The following CDON variants were observed in gnomAD, a reference collection of about 807,000 sequenced individuals.
CDON encodes cell adhesion associated, oncogene regulated.
Under a neutral mutation model 120.9 loss-of-function variants are expected in CDON, and 73 were observed. The ratio of observed to expected loss-of-function variants is 0.60; its 90% CI spans 0.50 to 0.73. The LOEUF is 0.73. Ranked by LOEUF, CDON falls within the 30% of genes least tolerant of loss-of-function variation. CDON has a pLI of 0.00. For synonymous variants in CDON, 566 were observed against 573.5 expected (o/e 0.99, Z 0.19); for missense variants, 1,470 against 1,587.3 (o/e 0.93, Z 1.26).
In CDON at chr11:125,974,366, TAGGAAGGAAGGA is replaced by T. The variant is rs1185064556; in HGVS notation, c.3356+3926_3356+3937del. Among the ~76,000 whole-genome samples, 206 of 51,588 alleles carry T rather than the reference TAGGAAGGAAGGA, an allele frequency of 4.0e-3. 1 individual carries two copies. The highest frequency in any genetic ancestry group is 0.016 in the African/African-American group (171 of 11,000). 33.8% of individuals were successfully genotyped at this position (51,588 alleles called of 152,430 possible). A position where few individuals can be genotyped will look rare whatever the true frequency, so the allele number is the denominator to read the frequency against. On this transcript the variant is annotated intron_variant, in intron 18 of 19. Transcript: ENST00000531738. ...GTAGGTAGGTAGGTAGGTAGGTAGG[TAGGAAGGAAGGA>T]AGGAAGGAAGGAAGGGAGGGAGGGA...
chr11:125,987,787 T>C (rs1946511068), intron 15 of CDON, among the ~76,000 whole-genome samples: 1 of 152,214 alleles, frequency 6.6e-6, no homozygotes, highest in Admixed American at 6.5e-5. Flanking sequence ...TCACAGCGTC[T>C]GGTCCAAAAA....
rs1393410978 is a variant in CDON, at chr11:126,005,986, T to TA, written c.1623dup (p.Lys542Ter). 1 of 1,614,182 alleles carries TA rather than the reference T, an allele frequency of 6.2e-7. No homozygotes were observed. Among genetic ancestry groups the TA allele is most frequent in the Non-Finnish European group, 8.5e-7 (1 of 1,180,016 alleles). ...AACCCAGTTTCTGAACCATCTCTCT[T>TA]ACTTCTGTCATCATTCTGAGCAGCA... On this transcript the variant is annotated frameshift_variant, in exon 9 of 20. Transcript: ENST00000531738. LOFTEE classifies it high-confidence loss of function.
intron 1 of CDON, among the ~76,000 whole-genome samples, chr11:126,028,500 T>A (rs1465130531): frequency 6.6e-6 from 1 of 152,020 alleles, no homozygotes; most frequent in Non-Finnish European, 1.5e-5. Context: ...GTAGCTGGGA[T>A]TACAGGCACG....
chr11:126,020,918 C>T (rs181989613), intron 3 of CDON, among the ~76,000 whole-genome samples: 2 of 152,050 alleles, frequency 1.3e-5, no homozygotes, highest in Non-Finnish European at 1.5e-5. Context: ...GATTTCCAAG[C>T]ACTCACAAAG....
At chr11:125,971,349 C>T (rs548187370) in intron 18 of CDON, among the ~76,000 whole-genome samples, 35 of 151,742 alleles carry the variant, frequency 2.3e-4, no homozygotes, top group East Asian at 1.4e-3. Context: ...CACCACTGCA[C>T]TCCAGCCTGG....
At chr11:125,994,534 G>A in intron 13 of CDON, 145 bp from the exon 14 acceptor site, 1 of 662,782 alleles carries the variant, frequency 1.5e-6, no homozygotes, top group Non-Finnish European at 2.7e-6. Flanking sequence ...TTACTTCAAA[G>A]GTATTAAAAG....
At chr11:126,033,460 C>T (rs2134773725) in intron 1 of CDON, among the ~76,000 whole-genome samples, 1 of 152,160 alleles carries the variant, frequency 6.6e-6, no homozygotes, top group South Asian at 2.1e-4. Context: ...GGGACAGAAA[C>T]TCCTCATTCA....
At chr11:126,003,835 A>G (rs1947031843) in intron 10 of CDON, 67 bp downstream of exon 10, 1 of 1,385,006 alleles carries the variant, frequency 7.2e-7, no homozygotes, top group Non-Finnish European at 1.0e-6. Flanking sequence ...AAATAAATTA[A>G]TAATTCTCAC....
chr11:125,996,657 G>A lies in CDON; in HGVS notation c.2362+550C>T, dbSNP rs184673670. Among the ~76,000 whole-genome samples, 451 of 119,386 alleles carry A rather than the reference G, an allele frequency of 3.8e-3. 1 individual carries two copies. Among genetic ancestry groups the A allele is most frequent in the Non-Finnish European group, 5.5e-3 (348 of 63,096 alleles). The allele number at this position is 119,386 out of a possible 152,430, so 78.3% of individuals were successfully genotyped here. ...GGAGGTTGCAGTGAGCCGAGATTTC[G>A]CCACTGCACTCCGGCCTAGGCGACA... is the stretch of plus-strand genomic sequence containing the variant. On this transcript the variant is annotated intron_variant, in intron 12 of 19. Coordinates refer to ENST00000531738, the MANE Select transcript of CDON (RefSeq NM_001378964.1).
chr11:126,057,982 G>T (rs1051529042), intron 1 of CDON, among the ~76,000 whole-genome samples: 2 of 152,150 alleles, frequency 1.3e-5, no homozygotes, highest in African/African-American at 4.8e-5. Context: ...TACAGACAAA[G>T]ACCCCCAAGG....
intron 1 of CDON, among the ~76,000 whole-genome samples, chr11:126,057,099 T>C (rs927852777): frequency 1.3e-5 from 2 of 152,222 alleles, no homozygotes; most frequent in Admixed American, 6.5e-5. Context: ...ATTTGGTTTA[T>C]GGAATTGTAA....
intron 1 of CDON, among the ~76,000 whole-genome samples, chr11:126,039,032 A>G (rs1364363485): frequency 6.6e-6 from 1 of 152,236 alleles, no homozygotes; most frequent in African/African-American, 2.4e-5. Context: ...ACCTCAGTAC[A>G]TGGAACAATG....
At chr11:126,058,779 A>G (rs1008825506) in intron 1 of CDON, among the ~76,000 whole-genome samples, 3 of 152,352 alleles carry the variant, frequency 2.0e-5, no homozygotes, top group Admixed American at 1.3e-4. Flanking sequence ...TCTGAAAAAA[A>G]GTTTGTGCCC....
At chr11:126,018,142 C>G (rs911849125) in intron 5 of CDON, among the ~76,000 whole-genome samples, 188 bp downstream of exon 5, 1 of 152,148 alleles carries the variant, frequency 6.6e-6, no homozygotes, top group Non-Finnish European at 1.5e-5. Flanking sequence ...TCAGGTGATC[C>G]ACCTGCCTCA....
intron 14 of CDON, among the ~76,000 whole-genome samples, chr11:125,992,964 A>G (rs537233412): frequency 3.9e-4 from 60 of 152,328 alleles, no homozygotes; most frequent in African/African-American, 1.3e-3. Context: ...GTCACTGAGA[A>G]GCGGGCATTC....
intron 15 of CDON, among the ~76,000 whole-genome samples, chr11:125,985,051 T>C (rs1192262823): frequency 6.6e-6 from 1 of 152,190 alleles, no homozygotes; most frequent in African/African-American, 2.4e-5. Flanking sequence ...AGTCTCTAAA[T>C]GTCACAGAAA....
chr11:126,021,838 CCCCGCCTATAA>C (rs1462903028), intron 2 of CDON, among the ~76,000 whole-genome samples: 1 of 151,926 alleles, frequency 6.6e-6, no homozygotes, highest in Non-Finnish European at 1.5e-5. Flanking sequence ...GCCCTGGGGC[CCCCGCCTATAA>C]TACCAGCACT....
intron 15 of CDON, among the ~76,000 whole-genome samples, chr11:125,984,691 T>C (rs1946414706): frequency 1.3e-5 from 1 of 79,788 alleles, no homozygotes; most frequent in South Asian, 5.6e-4. Context: ...AGTGAGATTC[T>C]GTCTCAAAAA....
intron 1 of CDON, among the ~76,000 whole-genome samples, chr11:126,059,359 G>A (rs1457785116): frequency 1.3e-5 from 2 of 152,156 alleles, no homozygotes; most frequent in East Asian, 1.9e-4. Context: ...ATAAAGTCCG[G>A]ACTAGCAATC....
Sources: allele counts gnomAD v4.1 joint callset (sites outside exome capture counted in the v4.1 genomes callset), GRCh38; gene constraint gnomAD v4.1.1; transcripts MANE v1.5; gene names NCBI Gene and HGNC (gene_info 2026-07-23, HGNC 2026-07-21).